Variants in NBPF9 observed in about 807,000 individuals in gnomAD.
NBPF9 encodes the protein NBPF member 9, also known as NBPF family member NBPF9.
A neutral mutation model predicts 97.8 loss-of-function variants in NBPF9; 91 were observed. The ratio of observed to expected loss-of-function variants is 0.93; its 90% CI spans 0.79 to 1.11. NBPF9 has a LOEUF of 1.11. Among genes scored for constraint, NBPF9 ranks in the 50% least tolerant of loss-of-function variants. The pLI is 0.00. For missense variants in NBPF9, 992 were observed against 939.5 expected, an observed-to-expected ratio of 1.06 and a Z score of -0.73; for synonymous variants, 334 against 359.5, an observed-to-expected ratio of 0.93 and a Z score of 0.80.
intron 29 of NBPF9, 111 bp from the exon 30 acceptor site, chr1:149,056,010 A>G: frequency 6.2e-7 from 1 of 1,602,170 alleles, no homozygotes; most frequent in East Asian, 2.2e-5. Flanking sequence ...AAAAGGATAG[A>G]TCCATTAATG....
intron 8 of NBPF9, among the ~76,000 whole-genome samples, chr1:149,079,555 T>C (rs2080224772): frequency 6.7e-6 from 1 of 148,208 alleles, no homozygotes; most frequent in Non-Finnish European, 1.5e-5. Context: ...AAAATACACA[T>C]AGTGCATCTT....
At position 149,063,945 on chromosome 1, in the gene NBPF9, T is replaced by G. The variant is rs1445091258; in HGVS notation, c.1854-140A>C. On this transcript the variant is annotated intron_variant, in intron 19 of 29. Transcript: ENST00000584027. The stretch of plus-strand genomic sequence containing the variant: ...ATTAATGAGGTAACAAATTATTGCC[T>G]TTATGTTGGGATAGACTAGGGCCAG... The G allele has an allele frequency of 1.0e-5, 7 of 680,316 alleles. No homozygotes were observed. The East Asian group carries it at 1.9e-4, about 18-fold the overall frequency. 42.1% of individuals were successfully genotyped at this position (680,316 alleles called of 1,614,324 possible). A position where few individuals can be genotyped will look rare whatever the true frequency, so the allele number is the denominator to read the frequency against.
At chr1:149,079,341 C>G in intron 8 of NBPF9, 120 bp from the exon 9 acceptor site, 1 of 1,108,368 alleles carries the variant, frequency 9.0e-7, no homozygotes, top group South Asian at 1.3e-5. Context: ...AAGGTCAGCA[C>G]ATGTTGAAAG....
chr1:149,074,894 C>T (rs1392142511), intron 12 of NBPF9, among the ~76,000 whole-genome samples: 7 of 151,256 alleles, frequency 4.6e-5, no homozygotes, highest in African/African-American at 1.7e-4. Context: ...TCACTGCAAC[C>T]TCAGCCTCCT....
chr1:149,057,704 GACACACACACACACACACAC>G, intron 27 of NBPF9, among the ~76,000 whole-genome samples, 197 bp from the exon 28 acceptor site: 1 of 27,850 alleles, frequency 3.6e-5, no homozygotes, highest in Admixed American at 4.8e-4. Flanking sequence ...AAGACAGATA[GACACACACACACACACACAC>G]ACACACACAC....
Position 149,071,156 on chromosome 1 carries a change from G to A in NBPF9, c.1380-17C>T, listed in dbSNP as rs781832294. 2.8e-6 allele frequency: 4 copies of A among 1,417,700 alleles called. No individual in the cohort carries two copies. Among genetic ancestry groups the A allele is most frequent in the Non-Finnish European group, 4.0e-6 (4 of 1,006,538 alleles). 87.8% of individuals were successfully genotyped at this position (1,417,700 alleles called of 1,614,324 possible). A position where few individuals can be genotyped will look rare whatever the true frequency, so the allele number is the denominator to read the frequency against. ...TGCATCTCCCTGATGAGCCAGGTGG[G>A]ACAGAGATGACAGAAGATTAAACAC... On this transcript the variant is annotated splice_polypyrimidine_tract_variant and intron_variant, in intron 15 of 29. Transcript: ENST00000584027.
chr1:149,085,224 A>G (rs868932365), intron 5 of NBPF9, among the ~76,000 whole-genome samples: 3 of 151,760 alleles, frequency 2.0e-5, no homozygotes, highest in Admixed American at 1.3e-4. Context: ...TTTTTTTGAT[A>G]GATTTTTTAT....
At chr1:149,099,459 C>A (rs1270605378) in intron 3 of NBPF9, among the ~76,000 whole-genome samples, 1 of 152,142 alleles carries the variant, frequency 6.6e-6, no homozygotes, top group African/African-American at 2.4e-5. Context: ...TTCATTCATT[C>A]ATTCATTTAA....
At chr1:149,086,279 A>G (rs2080991453) in intron 5 of NBPF9, among the ~76,000 whole-genome samples, 1 of 151,642 alleles carries the variant, frequency 6.6e-6, no homozygotes, top group Non-Finnish European at 1.5e-5. Flanking sequence ...TATTAAGAGG[A>G]AAAAAAAAAA....
At chr1:149,072,805 G>A (rs782006479) in exon 14 of NBPF9, 2 of 1,587,848 alleles carry the variant, frequency 1.3e-6, no homozygotes, top group South Asian at 1.1e-5. Context: ...GACTTGTCCG[G>A]CTCATCCGGA....
intron 26 of NBPF9, among the ~76,000 whole-genome samples, chr1:149,058,428 C>T (rs1181175496): frequency 1.9e-5 from 1 of 53,868 alleles, no homozygotes; most frequent in Non-Finnish European, 3.3e-5. Flanking sequence ...TCTGGTAGAT[C>T]GTTATCCCAA....
At chr1:149,053,867 C>T (rs1253199676), downstream of NBPF9, among the ~76,000 whole-genome samples, 1 of 146,262 alleles carries the variant, frequency 6.8e-6, no homozygotes, top group South Asian at 2.2e-4. Context: ...ACAACCCTTC[C>T]TAAATGCCAA....
intron 5 of NBPF9, among the ~76,000 whole-genome samples, chr1:149,089,773 T>G (rs1296874921): frequency 1.3e-5 from 2 of 152,304 alleles, no homozygotes; most frequent in African/African-American, 4.8e-5. Context: ...GCTAGTTTAT[T>G]TCATGCCTTT....
chr1:149,061,275 G>C (rs2078580416), intron 23 of NBPF9, 57 bp downstream of exon 23: 1 of 371,180 alleles, frequency 2.7e-6, no homozygotes, highest in African/African-American at 3.1e-5. Flanking sequence ...TGTTTTCCCT[G>C]AACCAGGAGT....
At chr1:149,075,013 T>C (rs1206308840) in intron 12 of NBPF9, among the ~76,000 whole-genome samples, 10 of 151,232 alleles carry the variant, frequency 6.6e-5, no homozygotes, top group African/African-American at 2.4e-4. Context: ...GGTTTCTCCA[T>C]GTTGCCCAGG....
At position 149,077,876 on chromosome 1, in the gene NBPF9, G is replaced by T. The variant is rs1465411947; in HGVS notation, c.566+7C>A. ...CCCATTACTTGCTCCTGAGTATTCA[G>T]TGTTACCTGGGGGCAGATGATTCCA... On this transcript the variant is annotated splice_region_variant and intron_variant, in intron 10 of 29. Coordinates refer to ENST00000584027, the Ensembl canonical transcript of NBPF9. 2 of 1,573,070 alleles carry T rather than the reference G, an allele frequency of 1.3e-6. No individual in the cohort carries two copies. The highest frequency in any genetic ancestry group is 1.7e-6 in the Non-Finnish European group (2 of 1,144,934).
At chr1:149,095,539 G>A (rs1553661214) in intron 4 of NBPF9, among the ~76,000 whole-genome samples, 1 of 147,572 alleles carries the variant, frequency 6.8e-6, no homozygotes, top group Non-Finnish European at 1.5e-5. Flanking sequence ...GTCACAGACT[G>A]GGAGAAAATA....
intron 5 of NBPF9, among the ~76,000 whole-genome samples, chr1:149,084,250 T>G (rs1445391174): frequency 2.7e-5 from 4 of 146,150 alleles, no homozygotes; most frequent in African/African-American, 1.0e-4. Flanking sequence ...CGTATATATA[T>G]ATAATATATA....
exon 14 of NBPF9, chr1:149,072,786 T>C (rs781894939): frequency 5.7e-6 from 9 of 1,581,458 alleles, no homozygotes; most frequent in South Asian, 4.4e-5. Context: ...TTGGAGGTCC[T>C]GCCCCTGGGA....
Sources: gnomAD v4.1 joint callset for allele counts (sites outside exome capture counted in the v4.1 genomes callset) on GRCh38, gnomAD v4.1.1 for gene constraint, MANE v1.5 for transcripts, NCBI Gene and HGNC (gene_info 2026-07-23, HGNC 2026-07-21) for gene names.